NALF1: variants seen among roughly 807,000 people sequenced by gnomAD.
NALF1 encodes the protein NALCN channel auxiliary factor 1, also known as family with sequence similarity 155 member A.
In NALF1, 3 loss-of-function variants were observed where a neutral mutation model predicts 48.4. That is an observed-to-expected ratio of 0.06 (90% CI 0.03 to 0.16). The LOEUF is 0.16. Among genes scored for constraint, NALF1 ranks in the 10% least tolerant of loss-of-function variants. The pLI is 1.00. For missense variants in NALF1, 526 were observed against 571.5 expected, an observed-to-expected ratio of 0.92 and a Z score of 0.81; for synonymous variants, 262 against 245.7, an observed-to-expected ratio of 1.07 and a Z score of -0.62.
intron 1 of NALF1, among the ~76,000 whole-genome samples, chr13:107,835,996 G>GT (rs1224099526): frequency 6.6e-6 from 1 of 151,902 alleles, no homozygotes; most frequent in African/African-American, 2.4e-5. Context: ...TGTTGTTTTT[G>GT]TTTTTTTCTT....
intron 1 of NALF1, among the ~76,000 whole-genome samples, chr13:107,280,756 C>A (rs1594102258): frequency 6.6e-6 from 1 of 152,000 alleles, no homozygotes; most frequent in Admixed American, 6.6e-5. Context: ...CAAATAGTCT[C>A]GAAAAAAAGT....
Position 107,500,760 on chromosome 13 carries a change from A to G in NALF1, c.916-290005T>C, listed in dbSNP as rs1202686381. Among the ~76,000 whole-genome samples the G allele has an allele frequency of 4.0e-5, 6 of 151,772 alleles. 1 individual carries two copies. Among genetic ancestry groups the G allele is most frequent in the African/African-American group, 1.5e-4 (6 of 41,360 alleles). ...AAAATGTGGCACATATACACCATGGAATACTATGCAGCCATAAAAAATGAT... is the reference window on the plus strand; with the variant it reads ...AAAATGTGGCACATATACACCATGGGATACTATGCAGCCATAAAAAATGAT... On this transcript the variant is annotated intron_variant, in intron 1 of 2. Coordinates refer to ENST00000375915, the MANE Select transcript of NALF1 (RefSeq NM_001080396.3).
At chr13:107,478,511 C>T (rs2139058644) in intron 1 of NALF1, among the ~76,000 whole-genome samples, 1 of 152,108 alleles carries the variant, frequency 6.6e-6, no homozygotes, top group African/African-American at 2.4e-5. Flanking sequence ...CTGTTCTTTG[C>T]ATTAATTTAC....
chr13:107,215,072 A>G (rs1879843159), intron 1 of NALF1, among the ~76,000 whole-genome samples: 2 of 152,100 alleles, frequency 1.3e-5, no homozygotes, highest in Admixed American at 1.3e-4. Context: ...CTAAGGTGAG[A>G]CATTCCAGGG....
chr13:107,447,130 G>C (rs1336005965), intron 1 of NALF1, among the ~76,000 whole-genome samples: 2 of 152,084 alleles, frequency 1.3e-5, no homozygotes, highest in African/African-American at 4.8e-5. Context: ...GCTGGTTAAG[G>C]CCGGAGGGGC....
intron 1 of NALF1, among the ~76,000 whole-genome samples, chr13:107,509,157 T>C (rs1288650318): frequency 6.6e-6 from 1 of 152,178 alleles, no homozygotes; most frequent in Non-Finnish European, 1.5e-5. Context: ...TTTGAGATTC[T>C]ACTGTTAGCT....
chr13:107,418,864 T>C (rs1316022172), intron 1 of NALF1, among the ~76,000 whole-genome samples: 1 of 152,178 alleles, frequency 6.6e-6, no homozygotes, highest in African/African-American at 2.4e-5. Flanking sequence ...AAATCTAAAA[T>C]AAGTAATCTC....
intron 1 of NALF1, among the ~76,000 whole-genome samples, chr13:107,537,081 G>C (rs995718507): frequency 2.0e-5 from 3 of 152,132 alleles, no homozygotes; most frequent in Non-Finnish European, 4.4e-5. Flanking sequence ...GGCCAGTCGT[G>C]GGGTGGGAGG....
chr13:107,467,147 A>C (rs1347553126), intron 1 of NALF1, among the ~76,000 whole-genome samples: 1 of 152,258 alleles, frequency 6.6e-6, no homozygotes, highest in East Asian at 1.9e-4. Flanking sequence ...GTATATATGA[A>C]TTCTTGATCG....
chr13:107,490,450 C>T (rs909760287), intron 1 of NALF1, among the ~76,000 whole-genome samples: 4 of 152,054 alleles, frequency 2.6e-5, no homozygotes, highest in African/African-American at 2.4e-5. Context: ...TCCTAGCAAA[C>T]TAATACAGAA....
At chr13:107,850,572 C>T (rs1880282854) in intron 1 of NALF1, among the ~76,000 whole-genome samples, 1 of 152,102 alleles carries the variant, frequency 6.6e-6, no homozygotes, top group East Asian at 1.9e-4. Flanking sequence ...TTTCATAATG[C>T]GAAATAATAC....
intron 1 of NALF1, among the ~76,000 whole-genome samples, chr13:107,842,506 T>G (rs1055462648): frequency 5.3e-5 from 8 of 151,856 alleles, no homozygotes; most frequent in Non-Finnish European, 1.0e-4. Flanking sequence ...AAGTAACAGT[T>G]TTTGTGGTAA....
intron 1 of NALF1, among the ~76,000 whole-genome samples, chr13:107,801,171 G>C (rs1239893085): frequency 6.6e-6 from 1 of 152,032 alleles, no homozygotes; most frequent in Non-Finnish European, 1.5e-5. Context: ...TGTTTGTTAG[G>C]GAAGTATTGA....
chr13:107,358,258 G>T (rs1158825681), intron 1 of NALF1, among the ~76,000 whole-genome samples: 1 of 151,818 alleles, frequency 6.6e-6, no homozygotes, highest in Non-Finnish European at 1.5e-5. Context: ...ACTGATTCTT[G>T]GTTTTATCAC....
At chr13:107,255,434 A>C (rs569521129) in intron 1 of NALF1, among the ~76,000 whole-genome samples, 1 of 152,266 alleles carries the variant, frequency 6.6e-6, no homozygotes, top group East Asian at 1.9e-4. Flanking sequence ...TGCTGCATAA[A>C]ATAAGTCCCA....
chr13:107,360,701 A>T (rs2138954480), intron 1 of NALF1, among the ~76,000 whole-genome samples: 1 of 152,294 alleles, frequency 6.6e-6, no homozygotes, highest in East Asian at 1.9e-4. Flanking sequence ...CCTGAGTATC[A>T]TTGTCACAAA....
intron 1 of NALF1, among the ~76,000 whole-genome samples, chr13:107,743,603 C>T (rs1041576227): frequency 6.6e-6 from 1 of 152,218 alleles, no homozygotes; most frequent in Non-Finnish European, 1.5e-5. Context: ...TCAGTTGCTA[C>T]AGTTTACACC....
chr13:107,725,088 C>A (rs932236466), intron 1 of NALF1, among the ~76,000 whole-genome samples: 2 of 152,110 alleles, frequency 1.3e-5, no homozygotes, highest in Non-Finnish European at 2.9e-5. Context: ...TACAATTGAC[C>A]GTTGTTTCAC....
intron 1 of NALF1, among the ~76,000 whole-genome samples, chr13:107,553,293 T>C (rs1239362730): frequency 1.3e-5 from 2 of 152,194 alleles, no homozygotes; most frequent in Admixed American, 6.5e-5. Flanking sequence ...AATCACATTT[T>C]TGTTATGTCT....
Sources: gnomAD v4.1 joint callset for allele counts (sites outside exome capture counted in the v4.1 genomes callset) on GRCh38, gnomAD v4.1.1 for gene constraint, MANE v1.5 for transcripts, NCBI Gene and HGNC (gene_info 2026-07-23, HGNC 2026-07-21) for gene names.